Variants in NUP98 observed in about 807,000 individuals in gnomAD.
NUP98 encodes the protein nuclear pore complex protein Nup98-Nup96.
Under a neutral mutation model 191.9 loss-of-function variants are expected in NUP98, and 26 were observed. The ratio of observed to expected loss-of-function variants is 0.14; its 90% CI spans 0.10 to 0.19. The LOEUF (loss-of-function observed/expected upper bound fraction) is 0.19. NUP98 is among the 10% of genes least tolerant of loss of function. NUP98 has a pLI of 1.00. For missense variants in NUP98, 1,941 were observed against 2,178.8 expected (o/e 0.89, Z 2.17); for synonymous variants, 808 against 778.4 (o/e 1.04, Z -0.63).
intron 12 of NUP98, among the ~76,000 whole-genome samples, chr11:3,740,821 TA>T (rs1564869534): frequency 5.4e-5 from 8 of 149,300 alleles, no homozygotes; most frequent in Non-Finnish European, 1.0e-4. Context: ...TATATATATA[TA>T]TATTTTTTTT....
At chr11:3,706,695 G>C in intron 20 of NUP98, 68 bp from the exon 21 acceptor site, 1 of 1,390,656 alleles carries the variant, frequency 7.2e-7, no homozygotes, top group Non-Finnish European at 1.0e-6. Context: ...TTCTAAATCA[G>C]ATTTACTTTA....
At chr11:3,768,784 A>G in intron 7 of NUP98, 40 bp from the exon 8 acceptor site, 1 of 1,436,880 alleles carries the variant, frequency 7.0e-7, no homozygotes, top group Non-Finnish European at 9.3e-7. Context: ...AAGAAATAAT[A>G]AAAAAAATGT....
chr11:3,744,869 T>C (rs2080433762), intron 11 of NUP98, among the ~76,000 whole-genome samples: 2 of 152,236 alleles, frequency 1.3e-5, no homozygotes, highest in Non-Finnish European at 2.9e-5. Flanking sequence ...TGCTTCAGTT[T>C]CCTCAATTAT....
chr11:3,771,708 T>C, intron 7 of NUP98, 40 bp downstream of exon 7: 1 of 1,565,540 alleles, frequency 6.4e-7, no homozygotes, highest in Non-Finnish European at 8.8e-7. Flanking sequence ...TAGTTATCTG[T>C]CTCTCCTCAG....
chr11:3,771,634 G>A, intron 7 of NUP98, 114 bp downstream of exon 7: 1 of 849,696 alleles, frequency 1.2e-6, no homozygotes, highest in South Asian at 1.8e-5. Flanking sequence ...TATTCCTATG[G>A]TATCCCTGAA....
At chr11:3,707,738 C>CAAAAA (rs560101220) in intron 20 of NUP98, among the ~76,000 whole-genome samples, 15 of 48,568 alleles carry the variant, frequency 3.1e-4, no homozygotes, top group Non-Finnish European at 4.3e-4. Context: ...GACTCTGTCT[C>CAAAAA]AAAAAAAAAA....
chr11:3,746,032 G>A (rs951027656), intron 11 of NUP98, among the ~76,000 whole-genome samples: 1 of 151,940 alleles, frequency 6.6e-6, no homozygotes, highest in African/African-American at 2.4e-5. Flanking sequence ...CACTTTGGGA[G>A]GTCGAGGCGG....
chr11:3,788,815 C>G (rs113387137), intron 1 of NUP98, among the ~76,000 whole-genome samples: 1 of 150,286 alleles, frequency 6.7e-6, no homozygotes, highest in Non-Finnish European at 1.5e-5. Context: ...GTTGTCGTGA[C>G]GCATGCCTGT....
intron 24 of NUP98, among the ~76,000 whole-genome samples, chr11:3,699,885 T>C (rs1385762116): frequency 2.0e-5 from 3 of 152,224 alleles, no homozygotes; most frequent in Non-Finnish European, 4.4e-5. Flanking sequence ...ATTTTTCTAC[T>C]GTTTGAAATA....
chr11:3,771,796 T>C lies in NUP98; in HGVS notation c.736A>G (p.Thr246Ala). The C allele has an allele frequency of 6.2e-7, 1 of 1,614,126 alleles. No homozygotes were observed. The highest frequency in any genetic ancestry group is 8.5e-7 in the Non-Finnish European group (1 of 1,180,012). The part of the protein sequence containing the change: ...SATGLFSSST[T>A]NSGFAYGQNK... ...TGACCATATGCAAAGCCTGAATTAG[T>C]GGTGGAGGAGCTGAAGAGTCCTGTT... The change falls in exon 7 of 33, where the codon ACT becomes GCT. Residue 246 changes from threonine (T) to alanine (A), a missense_variant. Physicochemically the swap from Thr to Ala is moderately conservative, Grantham distance 58 (BLOSUM62 0). This residue lies in a region of NUP98 where 181 missense variants were observed against 228.0 expected (regional missense o/e 0.79). Coordinates refer to ENST00000324932, the MANE Select transcript of NUP98 (RefSeq NM_016320.5).
chr11:3,719,587 T>A (rs1317140960), intron 17 of NUP98, 37 bp from the exon 18 acceptor site: 1 of 1,463,718 alleles, frequency 6.8e-7, no homozygotes, highest in Non-Finnish European at 9.1e-7. Flanking sequence ...ATTCATTCTG[T>A]ATGAAGGCAA....
At chr11:3,707,691 A>G (rs1446666184) in intron 20 of NUP98, among the ~76,000 whole-genome samples, 1 of 135,088 alleles carries the variant, frequency 7.4e-6, no homozygotes, top group African/African-American at 2.8e-5. Flanking sequence ...GTGAGCCAAG[A>G]CTGGGCCACT....
chr11:3,781,504 A>C (rs2081969119), intron 2 of NUP98: 1 of 149,384 alleles, frequency 6.7e-6, no homozygotes, highest in Non-Finnish European at 1.5e-5. Context: ...AAAAAAAAAA[A>C]AAAAAAAAAA....
intron 10 of NUP98, among the ~76,000 whole-genome samples, chr11:3,757,078 ACTC>A (rs1371129708): frequency 6.7e-6 from 1 of 149,776 alleles, no homozygotes; most frequent in Non-Finnish European, 1.5e-5. Context: ...ACAGAGCGAG[ACTC>A]CATCTCAAAA....
chr11:3,772,386 T>C (rs1481711681), intron 6 of NUP98, among the ~76,000 whole-genome samples: 2 of 152,206 alleles, frequency 1.3e-5, no homozygotes, highest in African/African-American at 2.4e-5. Flanking sequence ...GTTTGGTATG[T>C]AGAAAGAAGC....
At chr11:3,715,546 T>C (rs1439048448) in intron 18 of NUP98, among the ~76,000 whole-genome samples, 1 of 152,160 alleles carries the variant, frequency 6.6e-6, no homozygotes, top group Non-Finnish European at 1.5e-5. Flanking sequence ...TCCTTGGTCA[T>C]TTGTATATCT....
intron 9 of NUP98, among the ~76,000 whole-genome samples, chr11:3,760,888 G>C (rs2081142340): frequency 6.6e-6 from 1 of 152,134 alleles, no homozygotes; most frequent in Non-Finnish European, 1.5e-5. Flanking sequence ...TGAATCCAAT[G>C]AAACCAGATT....
At chr11:3,681,834 C>T (rs578078839) in intron 30 of NUP98, among the ~76,000 whole-genome samples, 1 of 152,290 alleles carries the variant, frequency 6.6e-6, no homozygotes, top group South Asian at 2.1e-4. Flanking sequence ...TTAACTTGTC[C>T]TTTGCAGCTT....
At position 3,746,641 on chromosome 11, in the gene NUP98, G is replaced by A. The variant is rs1296921352; in HGVS notation, c.1268-1992C>T. Among the ~76,000 whole-genome samples the A allele has an allele frequency of 5.3e-5, 8 of 151,792 alleles. No homozygotes were observed. The South Asian group carries it at 6.2e-4, about 12-fold the overall frequency. ...AAAAAAGGTACTGTGGGCTGGGCGC[G>A]GTGGCTCACGCCTGTAATCCTAGCA... On this transcript the variant is annotated intron_variant, in intron 11 of 32. Transcript: ENST00000324932.
Sources: allele counts gnomAD v4.1 joint callset (sites outside exome capture counted in the v4.1 genomes callset), GRCh38; gene constraint gnomAD v4.1.1; regional missense constraint gnomAD v4.1.1; transcripts MANE v1.5; gene names NCBI Gene and HGNC (gene_info 2026-07-23, HGNC 2026-07-21).